Variants in ATP13A2 observed in about 807,000 individuals in gnomAD.
ATP13A2 encodes the protein polyamine-transporting ATPase 13A2.
Under a neutral mutation model 138.3 loss-of-function variants are expected in ATP13A2, and 83 were observed. The ratio of observed to expected loss-of-function variants is 0.60; its 90% CI spans 0.50 to 0.72. The LOEUF (loss-of-function observed/expected upper bound fraction) is 0.72. Ranked by LOEUF, ATP13A2 falls within the 30% of genes least tolerant of loss-of-function variation. The pLI is 0.00. For missense variants in ATP13A2, 1,402 were observed against 1,606.4 expected, an observed-to-expected ratio of 0.87 and a Z score of 2.17; for synonymous variants, 663 against 699.0, an observed-to-expected ratio of 0.95 and a Z score of 0.81.
At chr1:16,991,927 G>A in intron 19 of ATP13A2, 69 bp from the exon 20 acceptor site, 9 of 1,612,512 alleles carry the variant, frequency 5.6e-6, no homozygotes, top group Non-Finnish European at 6.8e-6. Context: ...CCACCAGGCA[G>A]GGCATCTTCC....
In ATP13A2 at chr1:16,986,930, G is replaced by A; in HGVS notation, c.3110C>T (p.Ala1037Val). 2 of 1,613,948 alleles carry A rather than the reference G, an allele frequency of 1.2e-6. No homozygotes were observed. The highest frequency in any genetic ancestry group is 1.7e-6 in the Non-Finnish European group (2 of 1,179,976). Residue 1037 changes from alanine (A) to valine (V), a missense_variant, in exon 27 of 29, where the codon GCC becomes GTC. Transcript: ENST00000326735. This position sits in a 1 kb window ranked among gnomAD's most constrained non-coding sequence, Gnocchi z 6.9. ...GTAGTTGGGCAGGTTGTCTGGTGCG[G>A]CCACTGTCCTGTTCAGAGGCACGAA... ...PWFVPLNRTVAAPDNLPNYEN... is the reference protein window; with the variant it reads ...PWFVPLNRTVVAPDNLPNYEN...
intron 6 of ATP13A2, among the ~76,000 whole-genome samples, chr1:17,003,127 G>T (rs1243979637): frequency 1.3e-5 from 2 of 152,090 alleles, no homozygotes; most frequent in African/African-American, 4.8e-5. Flanking sequence ...CTGAAGTCCG[G>T]GTGTCCACAG....
Position 16,992,555 on chromosome 1 carries a change from G to A in ATP13A2, c.1776C>T (p.Asp592=). 1 of 1,614,228 alleles carries A rather than the reference G, an allele frequency of 6.2e-7. No homozygotes were observed. Among genetic ancestry groups the A allele is most frequent in the Non-Finnish European group, 8.5e-7 (1 of 1,180,038 alleles). The change falls in exon 17 of 29, where the codon GAC becomes GAT. Residue 592 remains aspartate (D), a synonymous_variant. Transcript: ENST00000326735. ...CCAAGACCTGGGTCCCAAATGCTGA[G>A]TCTGCAGCCGGCTCTTCCTCCAGGA... The part of the protein sequence containing the change: ...GWVLEEEPAA[D]SAFGTQVLAV...
rs1465187012 is a variant in ATP13A2, at chr1:16,993,689, C to T, written c.1689G>A (p.Arg563=). Residue 563 remains arginine, a synonymous_variant, in exon 16 of 29, where the codon CGG becomes CGA. Coordinates refer to ENST00000326735, the MANE Select transcript of ATP13A2 (RefSeq NM_022089.4). ...GGTCGCCCACGGGGGTGTCCTGGAG[C>T]CGGCTGAGGGCATGGCAGGTGGCCA... is the stretch of plus-strand genomic sequence containing the variant. ...RALATCHALS[R]LQDTPVGDPM... is the part of the protein sequence containing the mutation. 1 of 1,596,540 alleles carries T rather than the reference C, an allele frequency of 6.3e-7. No homozygotes were observed. The highest frequency in any genetic ancestry group is 1.7e-5 in the Admixed American group (1 of 57,532).
rs780566020 is a variant in ATP13A2 at position 16,985,968 on chromosome 1, T to A, written c.*253A>T. ...GACAGGCACAGCAGAGCCAGGAAAA[T>A]ATCATGACTTTATTTGCTACACTGA... On this transcript the variant is annotated 3_prime_UTR_variant, in exon 29 of 29. Coordinates refer to ENST00000326735, the MANE Select transcript of ATP13A2 (RefSeq NM_022089.4). 22 of 1,439,136 alleles carry A rather than the reference T, an allele frequency of 1.5e-5. No homozygotes were observed. The African/African-American group carries it at 3.0e-4, about 20-fold the overall frequency. 89.1% of individuals were successfully genotyped at this position (1,439,136 alleles called of 1,614,324 possible).
Position 16,988,182 on chromosome 1 carries a change from G to T in ATP13A2, c.2815C>A (p.Leu939Met). 6.2e-7 allele frequency: 1 copy of T among 1,614,192 alleles called. No homozygotes were observed. The highest frequency in any genetic ancestry group is 1.1e-5 in the South Asian group (1 of 91,076). ...GAGATGAACTGGGTCAGGCTGTACA[G>T]AGCCATGTACTTGAAGACGCTGAAC... ...TSFSVFKYMA[L>M]YSLTQFISVL... The change falls in exon 25 of 29, where the codon CTG (leucine) becomes ATG (methionine). Residue 939 changes from leucine (L) to methionine (M), a missense_variant. Physicochemically the swap from Leu to Met is conservative, Grantham distance 15. Coordinates refer to ENST00000326735, the MANE Select transcript of ATP13A2 (RefSeq NM_022089.4).
chr1:16,991,783 T>C lies in ATP13A2; in HGVS notation c.2202A>G (p.Pro734=), dbSNP rs748081159. 1 of 1,614,168 alleles carries C rather than the reference T, an allele frequency of 6.2e-7. No homozygotes were observed. The highest frequency in any genetic ancestry group is 8.5e-7 in the Non-Finnish European group (1 of 1,180,036). The part of the protein sequence containing the change: ...MRNLLKPQTT[P]VIQALRRTRI... ...GGGTCCTTCGCAGAGCCTGGATAAC[T>C]GGCGTTGTCTGCGGCTTCAGTAGGT... The change falls in exon 20 of 29, where the codon CCA becomes CCG. Residue 734 remains proline, a synonymous_variant. Coordinates refer to ENST00000326735, the MANE Select transcript of ATP13A2 (RefSeq NM_022089.4).
chr1:16,993,688 G>T lies in ATP13A2; in HGVS notation c.1690C>A (p.Leu564Ile). Residue 564 changes from leucine (L) to isoleucine (I), a missense_variant, in exon 16 of 29, where the codon CTC (leucine) becomes ATC (isoleucine). By Grantham distance (5) the Leu-to-Ile change is conservative. Transcript: ENST00000326735. ...ALATCHALSR[L>I]QDTPVGDPMD... Reference sequence around the variant, plus strand: ...GGGTCGCCCACGGGGGTGTCCTGGAGCCGGCTGAGGGCATGGCAGGTGGCC... The same window carrying T: ...GGGTCGCCCACGGGGGTGTCCTGGATCCGGCTGAGGGCATGGCAGGTGGCC... 1 of 1,596,568 alleles carries T rather than the reference G, an allele frequency of 6.3e-7. No individual in the cohort carries two copies. The highest frequency in any genetic ancestry group is 8.5e-7 in the Non-Finnish European group (1 of 1,172,090).
chr1:16,992,239 G>T lies in ATP13A2; in HGVS notation c.2005+4C>A. ...CAGGGGGACTCAGGGGCTTCCCCCT[G>T]CACCTGTCTCGGGGTTGCAGAGCCC... On this transcript the variant is annotated splice_donor_region_variant and intron_variant, in intron 18 of 28. Transcript: ENST00000326735. 1 of 1,612,708 alleles carries T rather than the reference G, an allele frequency of 6.2e-7. No homozygotes were observed. The highest frequency in any genetic ancestry group is 2.2e-5 in the East Asian group (1 of 44,872).
rs777891964 is a variant in ATP13A2, at chr1:16,987,265, T to C, written c.2864A>G (p.Asn955Ser). The C allele has an allele frequency of 4.3e-6, 7 of 1,613,552 alleles. No homozygotes were observed. Among genetic ancestry groups the C allele is most frequent in the Admixed American group, 1.7e-5 (1 of 59,980 alleles). Residue 955 changes from asparagine (N) to serine (S), a missense_variant, in exon 26 of 29, where the codon AAC becomes AGC. Coordinates refer to ENST00000326735, the MANE Select transcript of ATP13A2 (RefSeq NM_022089.4). ...GAACTGCAGGTCACCCAGGTTGGTG[T>C]TGATCTGCCACAGGGAAGGGAGGAC... is the stretch of plus-strand genomic sequence containing the variant. ...FISVLILYTINTNLGDLQFLA... is the reference protein window; with the variant it reads ...FISVLILYTISTNLGDLQFLA...
Position 16,996,061 on chromosome 1 carries a change from C to A in ATP13A2, c.1457G>T (p.Ser486Ile). ...AMTVCTLYAQSRLRRQGIFCI... is the reference protein window; with the variant it reads ...AMTVCTLYAQIRLRRQGIFCI... The stretch of plus-strand genomic sequence containing the variant: ...GAAAATGCCCTGTCTCCGCAGTCGG[C>A]TCTGGGCGTAGAGCGTGCACACAGT... Residue 486 changes from serine to isoleucine, a missense_variant, in exon 15 of 29, where the codon AGC (serine) becomes ATC (isoleucine). Ser to Ile is a moderately radical substitution (Grantham distance 142). Coordinates refer to ENST00000326735, the MANE Select transcript of ATP13A2 (RefSeq NM_022089.4). 1 of 1,614,124 alleles carries A rather than the reference C, an allele frequency of 6.2e-7. No homozygotes were observed. The highest frequency in any genetic ancestry group is 8.5e-7 in the Non-Finnish European group (1 of 1,180,056).
chr1:16,994,421 C>CG (rs1557687927), intron 15 of ATP13A2, among the ~76,000 whole-genome samples: 1 of 151,766 alleles, frequency 6.6e-6, no homozygotes, highest in East Asian at 2.0e-4. Flanking sequence ...TTAGTAGAGA[C>CG]GGGGTTTCAC....
At chr1:16,994,986 G>A (rs556636662) in intron 15 of ATP13A2, among the ~76,000 whole-genome samples, 1 of 152,222 alleles carries the variant, frequency 6.6e-6, no homozygotes, top group Admixed American at 6.5e-5. Context: ...AAAGCGCTCT[G>A]TGGCCCCCGA....
At position 17,007,677 on chromosome 1, in the gene ATP13A2, A is replaced by G. The variant is rs369801327; in HGVS notation, c.11-1899T>C. Reference sequence around the variant, plus strand: ...CACCATTCTCCTGCCTCAGCCTCCCAAGTAGCTGGGACTACAGGCGCCCGC... The same window carrying G: ...CACCATTCTCCTGCCTCAGCCTCCCGAGTAGCTGGGACTACAGGCGCCCGC... On this transcript the variant is annotated intron_variant, in intron 1 of 28. Transcript: ENST00000326735. Among the ~76,000 whole-genome samples the G allele has an allele frequency of 2.1e-3, 317 of 149,882 alleles. 3 individuals are homozygous for G. Among genetic ancestry groups the G allele is most frequent in the African/African-American group, 7.4e-3 (301 of 40,548 alleles).
intron 25 of ATP13A2, 112 bp from the exon 26 acceptor site, chr1:16,987,381 C>A: frequency 9.6e-7 from 1 of 1,039,666 alleles, no homozygotes; most frequent in Admixed American, 2.0e-5. Context: ...GGTAAGGCAT[C>A]CCCCAGTCTA....
In ATP13A2 at chr1:16,990,015, G is replaced by A. The variant is rs2076871445; in HGVS notation, c.2413-12C>T. The A allele has an allele frequency of 1.2e-6, 2 of 1,612,874 alleles. No individual in the cohort carries two copies. The highest frequency in any genetic ancestry group is 1.7e-6 in the Non-Finnish European group (2 of 1,179,444). On this transcript the variant is annotated splice_polypyrimidine_tract_variant and intron_variant, in intron 21 of 28. Transcript: ENST00000326735. ...GCCTGGTCAGGATCCTGGGGGCCCA[G>A]GAAGCTCAGCTTAGCTCCCCCTGCC...
At chr1:16,997,203 C>T (rs775392149) in intron 11 of ATP13A2, 28 bp from the exon 12 acceptor site, 1 of 1,612,878 alleles carries the variant, frequency 6.2e-7, no homozygotes, top group East Asian at 2.2e-5. Context: ...GTGAGGACCA[C>T]TCCACACCCC....
At position 16,995,332 on chromosome 1, in the gene ATP13A2, G is replaced by A. The variant is rs1414080658; in HGVS notation, c.1542+644C>T. Among the ~76,000 whole-genome samples, 1 of 152,050 alleles carries A rather than the reference G, an allele frequency of 6.6e-6. No individual in the cohort carries two copies. The highest frequency in any genetic ancestry group is 1.5e-5 in the Non-Finnish European group (1 of 68,028). Reference sequence around the variant, plus strand: ...ACTCCTCAGCCCCAGCAGCTCCTTTGTGCACTCCTGGATCACTTACTTTGG... The same window carrying A: ...ACTCCTCAGCCCCAGCAGCTCCTTTATGCACTCCTGGATCACTTACTTTGG... On this transcript the variant is annotated intron_variant, in intron 15 of 28. Coordinates refer to ENST00000326735, the MANE Select transcript of ATP13A2 (RefSeq NM_022089.4). This position sits in a 1 kb window ranked among gnomAD's most constrained non-coding sequence, Gnocchi z 4.1.
In ATP13A2 at chr1:16,989,765, C is replaced by T. The variant is rs776925680; in HGVS notation, c.2535G>A (p.Leu845=). The change falls in exon 23 of 29, where the codon CTG becomes CTA. Residue 845 remains leucine, a synonymous_variant. Transcript: ENST00000326735. Reference sequence around the variant, plus strand: ...TGCGGGCAAAGACAGTGCCCTGGACCAGGACCTGGGAGCACAGGGAGATGG... The same window carrying T: ...TGCGGGCAAAGACAGTGCCCTGGACTAGGACCTGGGAGCACAGGGAGATGG... ...KHFPKLLPKV[L]VQGTVFARMA... The T allele has an allele frequency of 6.2e-7, 1 of 1,614,054 alleles. No homozygotes were observed. Among genetic ancestry groups the T allele is most frequent in the Non-Finnish European group, 8.5e-7 (1 of 1,180,038 alleles).
Sources: gnomAD v4.1 joint callset for allele counts (sites outside exome capture counted in the v4.1 genomes callset) on GRCh38, gnomAD v4.1.1 for gene constraint, Gnocchi (gnomAD v3.1) non-coding constraint, MANE v1.5 for transcripts, NCBI Gene and HGNC (gene_info 2026-07-23, HGNC 2026-07-21) for gene names.